Variants in DZIP3 observed in about 807,000 individuals in gnomAD.
DZIP3 encodes the protein DAZ interacting zinc finger protein 3, also known as E3 ubiquitin-protein ligase DZIP3.
A neutral mutation model predicts 162.0 loss-of-function variants in DZIP3; 118 were observed. The observed-to-expected ratio is 0.73, with a 90% confidence interval of 0.63 to 0.85. The LOEUF (loss-of-function observed/expected upper bound fraction) is 0.85, where lower values mean the gene tolerates loss of function less well. DZIP3 is among the 40% of genes least tolerant of loss of function. DZIP3 has a pLI of 0.00. For missense variants in DZIP3, 1,331 were observed against 1,407.0 expected (o/e 0.95, Z 0.86); for synonymous variants, 438 against 458.6 (o/e 0.96, Z 0.57).
In DZIP3 at chr3:108,684,210, T is replaced by C. The variant is rs780957286; in HGVS notation, c.2884-6T>C. The C allele has an allele frequency of 1.9e-6, 3 of 1,602,818 alleles. No individual in the cohort carries two copies. Among genetic ancestry groups the C allele is most frequent in the Non-Finnish European group, 2.6e-6 (3 of 1,175,120 alleles). On this transcript the variant is annotated splice_polypyrimidine_tract_variant and splice_region_variant and intron_variant, in intron 26 of 32. Coordinates refer to ENST00000361582, the MANE Select transcript of DZIP3 (RefSeq NM_014648.4). ...TGTTTATTATTGTTTATATTTTCTA[T>C]TTTAGATGCAGCAGTTCTTAGGAAG...
At chr3:108,611,597 T>C (rs548665652) in intron 4 of DZIP3, among the ~76,000 whole-genome samples, 29 of 152,292 alleles carry the variant, frequency 1.9e-4, no homozygotes, top group African/African-American at 6.5e-4. Context: ...CTAGTGTTTA[T>C]TCCAGTCCTG....
chr3:108,636,045 G>A (rs1461366698), intron 10 of DZIP3, among the ~76,000 whole-genome samples: 1 of 151,710 alleles, frequency 6.6e-6, no homozygotes, highest in African/African-American at 2.4e-5. Context: ...GTTTTTGTAA[G>A]AATTAACAGA....
intron 22 of DZIP3, 70 bp from the exon 23 acceptor site, chr3:108,672,490 C>T: frequency 8.0e-7 from 1 of 1,249,928 alleles, no homozygotes; most frequent in South Asian, 1.3e-5. Context: ...TATCTTTCTT[C>T]CTCCTGAATT....
At chr3:108,609,826 G>A (rs1157604499) in intron 3 of DZIP3, among the ~76,000 whole-genome samples, 1 of 152,152 alleles carries the variant, frequency 6.6e-6, no homozygotes, top group Non-Finnish European at 1.5e-5. Flanking sequence ...AGGTGACAAA[G>A]CAAGACGCTG....
chr3:108,677,624 T>C (rs1409540396), intron 26 of DZIP3, 26 bp downstream of exon 26: 1 of 1,589,120 alleles, frequency 6.3e-7, no homozygotes. Flanking sequence ...TTTTGAATAA[T>C]TGCCCTTTTC....
At position 108,611,155 on chromosome 3, in the gene DZIP3, A is replaced by C; in HGVS notation, c.103-19A>C. ...GAATATGCAAACTGTGTAAATTTTTAATCAATAATGTCTTCTAGAACAAAC... is the reference window on the plus strand; with the variant it reads ...GAATATGCAAACTGTGTAAATTTTTCATCAATAATGTCTTCTAGAACAAAC... On this transcript the variant is annotated intron_variant, in intron 3 of 32. Coordinates refer to ENST00000361582, the MANE Select transcript of DZIP3 (RefSeq NM_014648.4). 1 of 1,554,644 alleles carries C rather than the reference A, an allele frequency of 6.4e-7. No homozygotes were observed. The highest frequency in any genetic ancestry group is 8.6e-7 in the Non-Finnish European group (1 of 1,158,428).
At chr3:108,632,725 A>G (rs904016954) in intron 8 of DZIP3, among the ~76,000 whole-genome samples, 1 of 152,220 alleles carries the variant, frequency 6.6e-6, no homozygotes, top group African/African-American at 2.4e-5. Context: ...CTCCATGTTT[A>G]TATCATTCAT....
rs372869402 is a variant in DZIP3, at chr3:108,693,655, T to C, written c.*302T>C. 6.6e-6 allele frequency: 1 copy of C among 152,136 alleles called. No individual in the cohort carries two copies. Among genetic ancestry groups the C allele is most frequent in the Non-Finnish European group, 1.5e-5 (1 of 68,020 alleles). 9.4% of individuals were successfully genotyped at this position (152,136 alleles called of 1,614,324 possible). ...AGTGTCTTGCCCAGTAGATACAAGA[T>C]AAATATTGCCAGAATCAGATATCAG... On this transcript the variant is annotated 3_prime_UTR_variant, in exon 33 of 33. Coordinates refer to ENST00000361582, the MANE Select transcript of DZIP3 (RefSeq NM_014648.4).
chr3:108,632,942 T>G lies in DZIP3; in HGVS notation c.697-11T>G. On this transcript the variant is annotated splice_polypyrimidine_tract_variant and intron_variant, in intron 8 of 32. Transcript: ENST00000361582. The stretch of plus-strand genomic sequence containing the variant: ...TAATTCATGAGAATTCTTTCTGTTT[T>G]TAAAATCTAGGATCTTCTTAATAAT... 2 of 1,355,102 alleles carry G rather than the reference T, an allele frequency of 1.5e-6. No individual in the cohort carries two copies. The highest frequency in any genetic ancestry group is 2.0e-6 in the Non-Finnish European group (2 of 1,012,156). The allele number at this position is 1,355,102 out of a possible 1,614,324, so 83.9% of individuals were successfully genotyped here.
chr3:108,663,993 A>G (rs1190002549), intron 21 of DZIP3, among the ~76,000 whole-genome samples: 1 of 152,244 alleles, frequency 6.6e-6, no homozygotes, highest in East Asian at 1.9e-4. Flanking sequence ...CAAAATGTAT[A>G]GTCCTATTCC....
chr3:108,639,791 T>G (rs892750306), intron 12 of DZIP3, among the ~76,000 whole-genome samples: 1 of 151,978 alleles, frequency 6.6e-6, no homozygotes, highest in Non-Finnish European at 1.5e-5. Context: ...TTCATTGATG[T>G]TTGTTCTTTG....
chr3:108,660,722 T>A (rs1943382086), intron 19 of DZIP3, among the ~76,000 whole-genome samples: 2 of 151,588 alleles, frequency 1.3e-5, no homozygotes, highest in South Asian at 4.2e-4. Flanking sequence ...TGGGAGAAAA[T>A]TTTTGCAACC....
At chr3:108,590,264 A>C (rs1339410475) in intron 1 of DZIP3, among the ~76,000 whole-genome samples, 1 of 152,210 alleles carries the variant, frequency 6.6e-6, no homozygotes, top group Non-Finnish European at 1.5e-5. Context: ...CTTTTTGCTT[A>C]ATATTTCCTA....
intron 1 of DZIP3, chr3:108,602,734 T>C (rs910204060): frequency 6.6e-6 from 1 of 152,208 alleles, no homozygotes; most frequent in Non-Finnish European, 1.5e-5. Context: ...TCAGGCTGAC[T>C]GCTTCCTTTT....
At chr3:108,625,102 G>A (rs996877028) in intron 6 of DZIP3, among the ~76,000 whole-genome samples, 5 of 152,116 alleles carry the variant, frequency 3.3e-5, no homozygotes, top group African/African-American at 1.2e-4. Context: ...TAATTGTTTA[G>A]TGTGATGTAC....
In DZIP3 at chr3:108,693,858, C is replaced by T. The variant is rs1344538160; in HGVS notation, c.*505C>T. On this transcript the variant is annotated 3_prime_UTR_variant, in exon 33 of 33. Coordinates refer to ENST00000361582, the MANE Select transcript of DZIP3 (RefSeq NM_014648.4). ...TCGGGGAGAGGGAAAAACTATTTGT[C>T]TGTAGTTGCTTTTTGTGACAAAGTG... The T allele has an allele frequency of 1.3e-5, 2 of 151,982 alleles. No homozygotes were observed. Among genetic ancestry groups the T allele is most frequent in the African/African-American group, 4.8e-5 (2 of 41,400 alleles). 9.4% of individuals were successfully genotyped at this position (151,982 alleles called of 1,614,324 possible).
chr3:108,631,768 G>T (rs1315807174), intron 8 of DZIP3, among the ~76,000 whole-genome samples: 2 of 150,932 alleles, frequency 1.3e-5, no homozygotes, highest in African/African-American at 2.4e-5. Context: ...TTAAACTTTT[G>T]TATTTGACCT....
intron 1 of DZIP3, among the ~76,000 whole-genome samples, chr3:108,592,725 AG>A (rs1939498533): frequency 6.6e-6 from 1 of 151,030 alleles, no homozygotes; most frequent in Admixed American, 6.6e-5. Flanking sequence ...AAAAAAAAAA[AG>A]TATTCAGGTT....
chr3:108,605,416 C>G lies in DZIP3; in HGVS notation c.10C>G (p.Leu4Val). ...AGAAACCTTGTGCAGCATGGATTCT[C>G]TACCAGATGAATTTTTTGTGAGGTA... is the stretch of plus-strand genomic sequence containing the variant. MDS[L>V]PDEFFVRHPA... Residue 4 changes from leucine to valine, a missense_variant, in exon 2 of 33, where the codon CTA becomes GTA. Physicochemically the swap from Leu to Val is conservative, Grantham distance 32 (BLOSUM62 1). This residue lies in a region of DZIP3 where 1,278 missense variants were observed against 1,317.1 expected (regional missense o/e 0.97). Transcript: ENST00000361582. The G allele has an allele frequency of 6.2e-7, 1 of 1,613,472 alleles. No individual in the cohort carries two copies. Among genetic ancestry groups the G allele is most frequent in the Non-Finnish European group, 8.5e-7 (1 of 1,179,704 alleles).
Sources: gnomAD v4.1 joint callset for allele counts (sites outside exome capture counted in the v4.1 genomes callset) on GRCh38, gnomAD v4.1.1 for gene constraint, gnomAD v4.1.1 regional missense constraint, MANE v1.5 for transcripts, NCBI Gene and HGNC (gene_info 2026-07-23, HGNC 2026-07-21) for gene names.